The following FES variants were observed in gnomAD, a reference collection of about 807,000 sequenced individuals.
FES encodes tyrosine-protein kinase Fes/Fps.
Under a neutral mutation model 109.6 loss-of-function variants are expected in FES, and 83 were observed. The observed-to-expected ratio is 0.76, with a 90% CI of 0.63 to 0.91. FES has a LOEUF of 0.91. FES is among the 40% of genes least tolerant of loss of function. FES has a pLI of 0.00. For synonymous variants in FES, 458 were observed against 442.1 expected, an observed-to-expected ratio of 1.04 and a Z score of -0.45; for missense variants, 943 against 1,070.9, an observed-to-expected ratio of 0.88 and a Z score of 1.67.
At chr15:90,890,749 G>C (rs996780569) in intron 10 of FES, among the ~76,000 whole-genome samples, 1 of 152,034 alleles carries the variant, frequency 6.6e-6, no homozygotes, top group Non-Finnish European at 1.5e-5. Context: ...CCTGGAGGAG[G>C]AGGCACCAGC....
chr15:90,894,458 G>A (rs747852787), intron 18 of FES, among the ~76,000 whole-genome samples: 3 of 152,122 alleles, frequency 2.0e-5, no homozygotes, highest in Non-Finnish European at 4.4e-5. Context: ...GGTGGCACGT[G>A]CCTGTAATCC....
At position 90,887,321 on chromosome 15, in the gene FES, G is replaced by A. The variant is rs763029771; in HGVS notation, c.619G>A (p.Gly207Ser). The change falls in exon 5 of 19, where the codon GGC (glycine) becomes AGC (serine). Residue 207 changes from glycine (G) to serine (S), a missense_variant. Transcript: ENST00000328850. ...HQHHHQLLLP[G>S]LLRSLQDLHE... ...GCACCACCACCAGCTCCTGCTGCCC[G>A]GCCTGCTGCGGTCACTGCAGGACCT... 28 of 1,612,944 alleles carry A rather than the reference G, an allele frequency of 1.7e-5. No individual in the cohort carries two copies. The East Asian group carries it at 3.1e-4, about 18-fold the overall frequency.
intron 1 of FES, 184 bp from the exon 2 acceptor site, chr15:90,884,853 A>C: frequency 3.4e-6 from 2 of 592,650 alleles, no homozygotes; most frequent in Non-Finnish European, 6.0e-6. Context: ...CTAAGGAAGC[A>C]ATGAGGGCCA....
At position 90,891,179 on chromosome 15, in the gene FES, C is replaced by T. The variant is rs1338371814; in HGVS notation, c.1518C>T (p.Ile506=). The T allele has an allele frequency of 1.3e-6, 2 of 1,556,958 alleles. No homozygotes were observed. The highest frequency in any genetic ancestry group is 1.9e-5 in the Admixed American group (1 of 51,632). The part of the protein sequence containing the change: ...LWDGLPRHFI[I]QSLDNLYRLE... ...ATGGTCTGCCCCGGCACTTCATCAT[C>T]CAGTCCTTGGATGTGAGTGGGGCTG... The change falls in exon 11 of 19, where the codon ATC becomes ATT. Residue 506 remains isoleucine, a synonymous_variant. Transcript: ENST00000328850.
chr15:90,895,402 G>A lies in FES; in HGVS notation c.2327-14G>A. 1 of 1,514,496 alleles carries A rather than the reference G, an allele frequency of 6.6e-7. No individual in the cohort carries two copies. The highest frequency in any genetic ancestry group is 8.9e-7 in the Non-Finnish European group (1 of 1,127,094). 93.8% of individuals were successfully genotyped at this position (1,514,496 alleles called of 1,614,324 possible). On this transcript the variant is annotated splice_polypyrimidine_tract_variant and intron_variant, in intron 18 of 18. Coordinates refer to ENST00000328850, the MANE Select transcript of FES (RefSeq NM_002005.4). ...TCCCTCCTCATGCCTGGTGTGCTGT[G>A]CCTCTCCTCACAGGGGGCCGTCTGC...
intron 5 of FES, among the ~76,000 whole-genome samples, chr15:90,888,751 TA>T (rs2151253444): frequency 8.5e-5 from 1 of 11,716 alleles, no homozygotes; most frequent in South Asian, 1.4e-3. Context: ...GCAGTTCATT[TA>T]TTTATTTATT....
chr15:90,892,541 A>G (rs2033319183), intron 13 of FES, 166 bp from the exon 14 acceptor site: 1 of 618,544 alleles, frequency 1.6e-6, no homozygotes. Flanking sequence ...TGCCTGCCCC[A>G]TGTGCTCTCT....
rs377056494 is a variant in FES at position 90,890,993 on chromosome 15, G to A, written c.1332G>A (p.Pro444=). The A allele has an allele frequency of 2.3e-5, 36 of 1,586,244 alleles. No homozygotes were observed. The highest frequency in any genetic ancestry group is 1.7e-4 in the Middle Eastern group (1 of 6,026). ...CCTCCCTTGCCCAGCTCCCTCCACC[G>A]CTGCAGCTCATTCCGGAGGTGCAGA... ...IFRPKFSLPP[P]LQLIPEVQKP... is the part of the protein sequence containing the mutation. The change falls in exon 11 of 19, where the codon CCG becomes CCA. Residue 444 remains proline (P), a synonymous_variant. Transcript: ENST00000328850.
At chr15:90,890,358 T>G (rs750070131) in intron 9 of FES, 43 bp from the exon 10 acceptor site, 1 of 1,599,326 alleles carries the variant, frequency 6.3e-7, no homozygotes, top group South Asian at 1.1e-5. Context: ...GCCCTCCCCC[T>G]CCCTAAGCCT....
chr15:90,893,413 C>A lies in FES; in HGVS notation c.2044C>A (p.Arg682=). Residue 682 remains arginine (R), a splice_region_variant and synonymous_variant, in exon 16 of 19, where the codon CGG becomes AGG. Coordinates refer to ENST00000328850, the MANE Select transcript of FES (RefSeq NM_002005.4). The part of the protein sequence containing the change: ...EYLESKCCIH[R]DLAARNCLVT... Reference sequence around the variant, plus strand: ...CCTGGAGAGCAAGTGCTGCATCCACCGGTGAGTGGGCGGTGGCCACGGGCC... The same window carrying A: ...CCTGGAGAGCAAGTGCTGCATCCACAGGTGAGTGGGCGGTGGCCACGGGCC... 1 of 1,538,814 alleles carries A rather than the reference C, an allele frequency of 6.5e-7. No individual in the cohort carries two copies. The highest frequency in any genetic ancestry group is 8.7e-7 in the Non-Finnish European group (1 of 1,146,100).
rs559862905 is a variant in FES at position 90,889,011 on chromosome 15, C to T, written c.669-295C>T. On this transcript the variant is annotated intron_variant, in intron 5 of 18. Transcript: ENST00000328850. The surrounding 1 kb of genome is among the most constrained non-coding windows in gnomAD (Gnocchi z 6.1). ...TTCACCACGTTAGCCAGGCTGGTCT[C>T]GAACTGACCTCAGGCAATCCACCCG... Among the ~76,000 whole-genome samples the T allele has an allele frequency of 2.8e-4, 43 of 152,178 alleles. No homozygotes were observed. Among genetic ancestry groups the T allele is most frequent in the African/African-American group, 1.0e-3 (42 of 41,524 alleles).
chr15:90,894,992 G>T (rs2033582339), intron 18 of FES, among the ~76,000 whole-genome samples: 1 of 152,116 alleles, frequency 6.6e-6, no homozygotes, highest in Non-Finnish European at 1.5e-5. Flanking sequence ...GCTTGAACCT[G>T]GGAGGTGGAG....
intron 18 of FES, among the ~76,000 whole-genome samples, chr15:90,894,463 T>C (rs1596118511): frequency 6.6e-6 from 1 of 152,064 alleles, no homozygotes; most frequent in East Asian, 1.9e-4. Flanking sequence ...CACGTGCCTG[T>C]AATCCCAGCT....
Position 90,893,666 on chromosome 15 carries a change from T to C in FES, c.2058T>C (p.Ala686=). ...SKCCIHRDLA[A]RNCLVTEKNV... is the part of the protein sequence containing the mutation. ...CTGTCTCACCCAGGGACCTGGCTGC[T>C]CGGAACTGCCTGGTGACAGAGAAGA... The change falls in exon 17 of 19, where the codon GCT becomes GCC. Residue 686 remains alanine (A), a synonymous_variant. Coordinates refer to ENST00000328850, the MANE Select transcript of FES (RefSeq NM_002005.4). 6.3e-7 allele frequency: 1 copy of C among 1,594,300 alleles called. No individual in the cohort carries two copies. Among genetic ancestry groups the C allele is most frequent in the Non-Finnish European group, 8.5e-7 (1 of 1,170,450 alleles).
Position 90,887,383 on chromosome 15 carries a change from C to T in FES, c.668+13C>T, listed in dbSNP as rs745572655. ...TGGCTTGCATCCTGTAAGCCCGCAG[C>T]CCCGTCCCCTGGCCCCCACCCTTGA... On this transcript the variant is annotated intron_variant, in intron 5 of 18. Coordinates refer to ENST00000328850, the MANE Select transcript of FES (RefSeq NM_002005.4). 4.4e-6 allele frequency: 7 copies of T among 1,599,466 alleles called. No individual in the cohort carries two copies. The highest frequency in any genetic ancestry group is 1.1e-5 in the South Asian group (1 of 90,138).
rs1186041151 is a variant in FES, at chr15:90,891,082, T to G, written c.1421T>G (p.Leu474Arg). The change falls in exon 11 of 19, where the codon CTG becomes CGG. Residue 474 changes from leucine (L) to arginine (R), a missense_variant. Transcript: ENST00000328850. ...CCGAGGGCAGAGGTGGCTGAGCTGC[T>G]GGTGCACTCTGGGGACTTCCTGGTG... ...AIPRAEVAEL[L>R]VHSGDFLVRE... 1 of 1,593,964 alleles carries G rather than the reference T, an allele frequency of 6.3e-7. No individual in the cohort carries two copies. The highest frequency in any genetic ancestry group is 8.5e-7 in the Non-Finnish European group (1 of 1,170,192).
At chr15:90,885,963 GCC>G (rs958816663) in intron 3 of FES, among the ~76,000 whole-genome samples, 69 of 138,734 alleles carry the variant, frequency 5.0e-4, no homozygotes, top group Non-Finnish European at 9.6e-4. Flanking sequence ...TCCTCTCAGG[GCC>G]CCAGAGACTG....
Position 90,887,053 on chromosome 15 carries a change from C to G in FES, c.480C>G (p.Ser160Arg). ...AQAKRKYQEASKDKDRDKAKD... is the reference protein window; with the variant it reads ...AQAKRKYQEARKDKDRDKAKD... The stretch of plus-strand genomic sequence containing the variant: ...CCAAGCGCAAGTACCAGGAGGCCAG[C>G]AAAGGTTCGTGGCTTCCCTTGCTGG... The change falls in exon 4 of 19, where the codon AGC becomes AGG. Residue 160 changes from serine to arginine, a missense_variant. Transcript: ENST00000328850. 1 of 1,614,086 alleles carries G rather than the reference C, an allele frequency of 6.2e-7. No individual in the cohort carries two copies. The highest frequency in any genetic ancestry group is 8.5e-7 in the Non-Finnish European group (1 of 1,180,020).
At chr15:90,890,537 C>A (rs182579231) in intron 10 of FES, 53 bp downstream of exon 10, 2 of 1,505,584 alleles carry the variant, frequency 1.3e-6, no homozygotes, top group Middle Eastern at 1.7e-4. Flanking sequence ...AGTTTAATCA[C>A]TGGGATGTCC....
Sources: allele counts gnomAD v4.1 joint callset (sites outside exome capture counted in the v4.1 genomes callset), GRCh38; gene constraint gnomAD v4.1.1; non-coding constraint Gnocchi (gnomAD v3.1); transcripts MANE v1.5; gene names NCBI Gene and HGNC (gene_info 2026-07-23, HGNC 2026-07-21).